HNRNPLL: variants seen among roughly 807,000 people sequenced by gnomAD.
HNRNPLL encodes heterogeneous nuclear ribonucleoprotein L-like.
In HNRNPLL, 25 loss-of-function variants were observed where a neutral mutation model predicts 67.1. The observed-to-expected ratio is 0.37, with a 90% CI of 0.27 to 0.52. The LOEUF is 0.52. Ranked by LOEUF, HNRNPLL falls within the 20% of genes least tolerant of loss-of-function variation. The probability of loss-of-function intolerance (pLI) is 0.90; values close to 1 mark genes in which losing one functional copy is unlikely to be tolerated. For synonymous variants in HNRNPLL, 267 were observed against 241.7 expected (o/e 1.10, Z -0.97); for missense variants, 542 against 673.9 (o/e 0.80, Z 2.17).
At chr2:38,590,317 G>C (rs1666907775) in intron 2 of HNRNPLL, among the ~76,000 whole-genome samples, 1 of 152,074 alleles carries the variant, frequency 6.6e-6, no homozygotes, top group Admixed American at 6.5e-5. Flanking sequence ...CATTATCTAT[G>C]CATTTTCCTC....
intron 1 of HNRNPLL, among the ~76,000 whole-genome samples, chr2:38,599,723 T>C (rs187014316): frequency 4.5e-4 from 69 of 152,352 alleles, no homozygotes; most frequent in African/African-American, 1.6e-3. Flanking sequence ...AGAGCCTTTG[T>C]AGAACCACTA....
chr2:38,564,985 T>A (rs1665800880), intron 12 of HNRNPLL, among the ~76,000 whole-genome samples: 1 of 151,238 alleles, frequency 6.6e-6, no homozygotes, highest in Non-Finnish European at 1.5e-5. Context: ...TACATAAGTT[T>A]TGAAATTACT....
chr2:38,597,801 C>T, intron 1 of HNRNPLL, among the ~76,000 whole-genome samples: 1 of 151,954 alleles, frequency 6.6e-6, no homozygotes, highest in Admixed American at 6.6e-5. Context: ...CAATTCTCTG[C>T]CTCAGCCTCC....
Position 38,600,770 on chromosome 2 carries a change from T to C in HNRNPLL, c.189+1668A>G, listed in dbSNP as rs137931899. Among the ~76,000 whole-genome samples, 67 of 151,778 alleles carry C rather than the reference T, an allele frequency of 4.4e-4. 3 individuals are homozygous for C. In the East Asian group the frequency reaches 0.013, roughly 29 times the overall value. ...CTCTCAAAAAAAAAAAAAAATTGTA[T>C]GCTAAGCCTAGACTCTTGACCACCC... On this transcript the variant is annotated intron_variant, in intron 1 of 12. Coordinates refer to ENST00000449105, the MANE Select transcript of HNRNPLL (RefSeq NM_138394.4).
At chr2:38,566,035 T>C in intron 12 of HNRNPLL, 2 of 987,778 alleles carry the variant, frequency 2.0e-6, no homozygotes, top group South Asian at 4.7e-5. Flanking sequence ...ATTATTTAAA[T>C]ACCCTGGAGA....
intron 2 of HNRNPLL, among the ~76,000 whole-genome samples, chr2:38,588,100 G>A (rs569225475): frequency 3.9e-5 from 6 of 152,202 alleles, no homozygotes; most frequent in East Asian, 3.9e-4. Flanking sequence ...CTGCAGAACC[G>A]TGAGCCGATT....
chr2:38,582,874 TAAAA>T (rs397976998), intron 4 of HNRNPLL, among the ~76,000 whole-genome samples: 2 of 135,324 alleles, frequency 1.5e-5, no homozygotes, highest in Non-Finnish European at 3.2e-5. Context: ...AACTCCATCT[TAAAA>T]AAAAAAAAAA....
chr2:38,587,934 G>A (rs1666797621), intron 2 of HNRNPLL, among the ~76,000 whole-genome samples: 1 of 152,054 alleles, frequency 6.6e-6, no homozygotes, highest in African/African-American at 2.4e-5. Flanking sequence ...GTTTGACAGT[G>A]TGTGACACCT....
At chr2:38,597,211 TTACA>T (rs1405480046) in intron 1 of HNRNPLL, among the ~76,000 whole-genome samples, 1 of 152,194 alleles carries the variant, frequency 6.6e-6, no homozygotes. Context: ...TTTCCCTCTC[TTACA>T]TAATCTTTCA....
At chr2:38,573,500 T>C (rs1156974436) in intron 7 of HNRNPLL, 73 bp from the exon 8 acceptor site, 4 of 950,420 alleles carry the variant, frequency 4.2e-6, no homozygotes, top group Middle Eastern at 2.1e-4. Context: ...TTAGTAGATA[T>C]ACTGCACCAC....
chr2:38,581,661 G>T (rs943831183), intron 6 of HNRNPLL: 24 of 521,844 alleles, frequency 4.6e-5, no homozygotes, highest in Non-Finnish European at 7.0e-5. Flanking sequence ...AGAAATGCAA[G>T]TCCTTGAACT....
At position 38,573,414 on chromosome 2, in the gene HNRNPLL, T is replaced by C. The variant is rs373702328; in HGVS notation, c.888A>G (p.Pro296=). Residue 296 remains proline, a synonymous_variant, in exon 8 of 13, where the codon CCA becomes CCG. Coordinates refer to ENST00000449105, the MANE Select transcript of HNRNPLL (RefSeq NM_138394.4). ...TGTAACGACTTGGTAAAGGCAATAA[T>C]GGACCATGGGATCCTATAAAAATGA... ...FRHDGYGSHG[P]LLPLPSRYRM... is the part of the protein sequence containing the mutation. The C allele has an allele frequency of 6.2e-7, 1 of 1,606,586 alleles. No homozygotes were observed. Among genetic ancestry groups the C allele is most frequent in the South Asian group, 1.1e-5 (1 of 90,430 alleles).
Position 38,569,822 on chromosome 2 carries a change from C to T in HNRNPLL, c.1196G>A (p.Gly399Glu). 6.9e-7 allele frequency: 1 copy of T among 1,445,738 alleles called. No individual in the cohort carries two copies. 89.6% of individuals were successfully genotyped at this position (1,445,738 alleles called of 1,614,324 possible). A position where few individuals can be genotyped will look rare whatever the true frequency, so the allele number is the denominator to read the frequency against. ...TAATTACCAAACATTAAGTCTTTTC[C>T]CAAATAATTTGACATTATTAAGGTG... ...VTHLNNVKLF[G>E]KRLNVCVSKQ... Residue 399 changes from glycine (G) to glutamate (E), a missense_variant, in exon 9 of 13, where the codon GGG becomes GAG. This residue lies in a region of HNRNPLL where 415 missense variants were observed against 575.2 expected (regional missense o/e 0.72). Coordinates refer to ENST00000449105, the MANE Select transcript of HNRNPLL (RefSeq NM_138394.4).
chr2:38,600,793 C>T (rs1313959271), intron 1 of HNRNPLL, among the ~76,000 whole-genome samples: 1 of 152,036 alleles, frequency 6.6e-6, no homozygotes, highest in Non-Finnish European at 1.5e-5. Context: ...CTCTTGACCA[C>T]CCCCAAGCCC....
In HNRNPLL at chr2:38,563,964, G is replaced by A. The variant is rs1020208218; in HGVS notation, c.*218C>T. The A allele has an allele frequency of 1.2e-5, 6 of 485,526 alleles. No individual in the cohort carries two copies. The highest frequency in any genetic ancestry group is 8.0e-5 in the African/African-American group (4 of 50,096). The allele number at this position is 485,526 out of a possible 1,614,324, so 30.1% of individuals were successfully genotyped here. On this transcript the variant is annotated 3_prime_UTR_variant, in exon 13 of 13. Coordinates refer to ENST00000449105, the MANE Select transcript of HNRNPLL (RefSeq NM_138394.4). ...TATCTGTATAATCTACAATGAAGCT[G>A]TAGATAGTCTACATTATGATATTCT... is the stretch of plus-strand genomic sequence containing the variant.
In HNRNPLL at chr2:38,579,839, C is replaced by T. The variant is rs543874698; in HGVS notation, c.802+2074G>A. On this transcript the variant is annotated intron_variant, in intron 6 of 12. Coordinates refer to ENST00000449105, the MANE Select transcript of HNRNPLL (RefSeq NM_138394.4). ...TATCAATTTGAGTGCAAGCTAAGAG[C>T]TCTACAGAAACAAAAACATAAACTG... is the stretch of plus-strand genomic sequence containing the variant. Among the ~76,000 whole-genome samples, 4 of 152,046 alleles carry T rather than the reference C, an allele frequency of 2.6e-5. No individual in the cohort carries two copies. The South Asian group carries it at 8.3e-4, about 32-fold the overall frequency.
chr2:38,575,880 C>G (rs533670742), intron 7 of HNRNPLL, among the ~76,000 whole-genome samples: 1 of 151,732 alleles, frequency 6.6e-6, no homozygotes, highest in South Asian at 2.1e-4. Context: ...TTCTCTGCCT[C>G]TTTATTCGCT....
chr2:38,571,222 T>C lies in HNRNPLL; in HGVS notation c.1093-1297A>G, dbSNP rs527979082. On this transcript the variant is annotated intron_variant, in intron 8 of 12. Transcript: ENST00000449105. ...AAAGTTTATAAATTAGGCACAGTAA[T>C]AGACTAACAAAATAATAAAATAGAA... Among the ~76,000 whole-genome samples the C allele has an allele frequency of 1.3e-4, 20 of 152,244 alleles. 1 individual carries two copies. The South Asian group carries it at 3.9e-3, about 30-fold the overall frequency.
rs771219393 is a variant in HNRNPLL at position 38,564,108 on chromosome 2, G to C, written c.*74C>G. ...AGGCAACATGAGATCAACCATTTTA[G>C]ATTTTTTTTTAATGAAGTGTAGCTT... On this transcript the variant is annotated 3_prime_UTR_variant, in exon 13 of 13. Transcript: ENST00000449105. 1.1e-6 allele frequency: 1 copy of C among 917,144 alleles called. No homozygotes were observed. Among genetic ancestry groups the C allele is most frequent in the East Asian group, 2.4e-5 (1 of 40,944 alleles). 56.8% of individuals were successfully genotyped at this position (917,144 alleles called of 1,614,324 possible). A position where few individuals can be genotyped will look rare whatever the true frequency, so the allele number is the denominator to read the frequency against.
Sources: gnomAD v4.1 joint callset for allele counts (sites outside exome capture counted in the v4.1 genomes callset) on GRCh38, gnomAD v4.1.1 for gene constraint, gnomAD v4.1.1 regional missense constraint, MANE v1.5 for transcripts, NCBI Gene and HGNC (gene_info 2026-07-23, HGNC 2026-07-21) for gene names.